TXNDC16: variants seen among roughly 807,000 people sequenced by gnomAD.
TXNDC16 encodes thioredoxin domain-containing protein 16.
A neutral mutation model predicts 85.6 loss-of-function variants in TXNDC16; 74 were observed. The ratio of observed to expected loss-of-function variants is 0.86; its 90% confidence interval spans 0.72 to 1.05. TXNDC16 has a LOEUF of 1.05. Ranked by LOEUF, TXNDC16 falls within the 50% of genes least tolerant of loss-of-function variation. The pLI, the probability that TXNDC16 is intolerant of heterozygous loss-of-function variation, is 0.00. For synonymous variants in TXNDC16, 335 were observed against 326.5 expected, an observed-to-expected ratio of 1.03 and a Z score of -0.28; for missense variants, 959 against 947.0, an observed-to-expected ratio of 1.01 and a Z score of -0.17.
intron 7 of TXNDC16, 123 bp from the exon 8 acceptor site, chr14:52,515,093 T>G (rs1045509023): frequency 3.5e-6 from 2 of 579,146 alleles, no homozygotes; most frequent in Non-Finnish European, 2.8e-6. Flanking sequence ...AGAAAAATCC[T>G]TCACAGGGAT....
At chr14:52,505,797 A>G (rs2036784218) in intron 9 of TXNDC16, among the ~76,000 whole-genome samples, 3 of 152,212 alleles carry the variant, frequency 2.0e-5, no homozygotes, top group Admixed American at 6.5e-5. Flanking sequence ...GGTTTTTTGA[A>G]AAGATCAACA....
At position 52,543,274 on chromosome 14, in the gene TXNDC16, C is replaced by T. The variant is rs2037872079; in HGVS notation, c.160+124G>A. 8.4e-6 allele frequency: 9 copies of T among 1,069,948 alleles called. No homozygotes were observed. The South Asian group carries it at 1.6e-4, about 18-fold the overall frequency. 66.3% of individuals were successfully genotyped at this position (1,069,948 alleles called of 1,614,324 possible). A position where few individuals can be genotyped will look rare whatever the true frequency, so the allele number is the denominator to read the frequency against. On this transcript the variant is annotated intron_variant, in intron 3 of 20. Coordinates refer to ENST00000281741, the MANE Select transcript of TXNDC16 (RefSeq NM_020784.3). The stretch of plus-strand genomic sequence containing the variant: ...CGGGCCGGATTCAAACCCAGTCAGA[C>T]ATATTATAGTAACAGCTATATAGCA...
intron 6 of TXNDC16, among the ~76,000 whole-genome samples, chr14:52,530,112 TTATA>T (rs1195137452): frequency 1.4e-4 from 13 of 95,408 alleles, no homozygotes; most frequent in African/African-American, 5.7e-4. Context: ...TATATTTATA[TTATA>T]TATATTTACA....
chr14:52,502,280 C>T (rs774031005), intron 9 of TXNDC16, among the ~76,000 whole-genome samples: 11 of 152,184 alleles, frequency 7.2e-5, no homozygotes, highest in Non-Finnish European at 1.2e-4. Context: ...ACAAATAAAA[C>T]GCTTATGCAT....
At chr14:52,530,241 ATATATAATATATAT>A (rs1465784952) in intron 6 of TXNDC16, among the ~76,000 whole-genome samples, 23 of 50,536 alleles carry the variant, frequency 4.6e-4, no homozygotes, top group Non-Finnish European at 6.5e-4. Context: ...ACATATAATA[ATATATAATATATAT>A]TATATAATAT....
chr14:52,448,459 G>A (rs1431717716), intron 18 of TXNDC16, among the ~76,000 whole-genome samples: 1 of 151,456 alleles, frequency 6.6e-6, no homozygotes, highest in Non-Finnish European at 1.5e-5. Flanking sequence ...CAAATATGAA[G>A]GAGAAATAAA....
rs113305240 is a variant in TXNDC16, at chr14:52,441,604, CA to C, written c.1843-881del. 2.2e-3 allele frequency among the ~76,000 whole-genome samples: 288 copies of C among 129,656 alleles called. 2 individuals are homozygous for C. The highest frequency in any genetic ancestry group is 6.7e-3 in the African/African-American group (239 of 35,936). 85.1% of individuals were successfully genotyped at this position (129,656 alleles called of 152,430 possible). A position where few individuals can be genotyped will look rare whatever the true frequency, so the allele number is the denominator to read the frequency against. On this transcript the variant is annotated intron_variant, in intron 18 of 20. Transcript: ENST00000281741. ...AGCCTGAGCAACAGAGTGAGACTCT[CA>C]AAAAAAAAAAACCCAAAAAACAAAA...
At chr14:52,520,817 T>G (rs1434999138) in intron 6 of TXNDC16, among the ~76,000 whole-genome samples, 2 of 152,060 alleles carry the variant, frequency 1.3e-5, no homozygotes, top group African/African-American at 4.8e-5. Context: ...ACTCAAATAC[T>G]TCAAATAAAT....
rs1456072890 is a variant in TXNDC16, at chr14:52,491,098, T to TA, written c.757-94dup. 4.2e-5 allele frequency: 58 copies of TA among 1,375,582 alleles called. No individual in the cohort carries two copies. The South Asian group carries it at 4.3e-4, about 10-fold the overall frequency. 85.2% of individuals were successfully genotyped at this position (1,375,582 alleles called of 1,614,324 possible). ...TAATTCTTATTAATAAAGTCATGAG[T>TA]AAAAAAAAGTGTAAAATAATCCAAC... On this transcript the variant is annotated intron_variant, in intron 9 of 20. Transcript: ENST00000281741.
intron 14 of TXNDC16, among the ~76,000 whole-genome samples, chr14:52,475,334 A>G (rs1008054524): frequency 5.3e-5 from 8 of 152,082 alleles, no homozygotes; most frequent in African/African-American, 1.9e-4. Flanking sequence ...AACTCGGGGG[A>G]GGGCATGAAT....
rs1352959365 is a variant in TXNDC16 at position 52,515,671 on chromosome 14, G to GTA, written c.515-702_515-701insTA. 6.1e-5 allele frequency among the ~76,000 whole-genome samples: 3 copies of GTA among 49,068 alleles called. No homozygotes were observed. The East Asian group carries it at 1.1e-3, about 18-fold the overall frequency. 32.2% of individuals were successfully genotyped at this position (49,068 alleles called of 152,430 possible). On this transcript the variant is annotated intron_variant, in intron 7 of 20. Transcript: ENST00000281741. ...TCTCAACTCTTTATTTCATACATAT[G>GTA]TGTGTGTGTGTGTGTGTGTGTGTGT... is the stretch of plus-strand genomic sequence containing the variant.
chr14:52,547,123 T>C (rs2037956148), intron 1 of TXNDC16, among the ~76,000 whole-genome samples: 1 of 152,218 alleles, frequency 6.6e-6, no homozygotes, highest in Non-Finnish European at 1.5e-5. Context: ...TCCAAAAGAC[T>C]AGATGTTCAA....
At chr14:52,436,758 T>G (rs1301414763) in intron 20 of TXNDC16, among the ~76,000 whole-genome samples, 1 of 152,272 alleles carries the variant, frequency 6.6e-6, no homozygotes. Flanking sequence ...AGATTCATAC[T>G]ATACCTGATA....
intron 17 of TXNDC16, among the ~76,000 whole-genome samples, chr14:52,456,124 A>G (rs1347751387): frequency 6.6e-6 from 1 of 152,262 alleles, no homozygotes; most frequent in Non-Finnish European, 1.5e-5. Flanking sequence ...TTACTAGTGA[A>G]GTAGTCATGT....
chr14:52,438,865 T>C (rs974874194), intron 20 of TXNDC16, among the ~76,000 whole-genome samples: 1 of 152,222 alleles, frequency 6.6e-6, no homozygotes, highest in African/African-American at 2.4e-5. Flanking sequence ...TTAAATTTTA[T>C]AAAAATAGAT....
At chr14:52,447,793 T>C (rs2035318819) in intron 18 of TXNDC16, among the ~76,000 whole-genome samples, 1 of 151,800 alleles carries the variant, frequency 6.6e-6, no homozygotes, top group South Asian at 2.1e-4. Flanking sequence ...AAATTCAAGA[T>C]AACACAGGGA....
rs1449238377 is a variant in TXNDC16 at position 52,490,418 on chromosome 14, A to G, written c.957T>C (p.Ala319=). The change falls in exon 11 of 21, where the codon GCT becomes GCC. Residue 319 remains alanine, a synonymous_variant. Coordinates refer to ENST00000281741, the MANE Select transcript of TXNDC16 (RefSeq NM_020784.3). The stretch of plus-strand genomic sequence containing the variant: ...CTTCTGCTCTTTTGAAGACCACATT[A>G]GCATCTTGAGGAATGTTCACTTCCA... The part of the protein sequence containing the change: ...DSLEVNIPQD[A]NVVFKRAEEG... 6.2e-7 allele frequency: 1 copy of G among 1,602,454 alleles called. No homozygotes were observed. Among genetic ancestry groups the G allele is most frequent in the Non-Finnish European group, 8.5e-7 (1 of 1,175,960 alleles).
Position 52,432,191 on chromosome 14 carries a change from A to T in TXNDC16, c.*113T>A. On this transcript the variant is annotated 3_prime_UTR_variant, in exon 21 of 21. Transcript: ENST00000281741. ...AATAAAATATGTGACTTATATTATA[A>T]TTCTATTGGATGGCACTAGTCTGCA... is the stretch of plus-strand genomic sequence containing the variant. 2 of 871,190 alleles carry T rather than the reference A, an allele frequency of 2.3e-6. No individual in the cohort carries two copies. Among genetic ancestry groups the T allele is most frequent in the Admixed American group, 3.4e-5 (1 of 29,434 alleles). 54.0% of individuals were successfully genotyped at this position (871,190 alleles called of 1,614,324 possible).
intron 1 of TXNDC16, among the ~76,000 whole-genome samples, chr14:52,546,552 G>A (rs1371257434): frequency 2.6e-5 from 4 of 152,070 alleles, no homozygotes; most frequent in East Asian, 1.9e-4. Context: ...CAACAGTTTC[G>A]GCAGTTAGTG....
Sources: gnomAD v4.1 joint callset for allele counts (sites outside exome capture counted in the v4.1 genomes callset) on GRCh38, gnomAD v4.1.1 for gene constraint, MANE v1.5 for transcripts, NCBI Gene and HGNC (gene_info 2026-07-23, HGNC 2026-07-21) for gene names.